CSMD1: variants seen among roughly 807,000 people sequenced by gnomAD.
CSMD1 encodes the protein CUB and sushi domain-containing protein 1.
Under a neutral mutation model 417.5 loss-of-function variants are expected in CSMD1, and 213 were observed. That is an observed-to-expected ratio of 0.51 (90% CI 0.46 to 0.57). CSMD1 has a LOEUF of 0.57. Ranked by LOEUF, CSMD1 falls within the 20% of genes least tolerant of loss-of-function variation. The pLI, the probability that CSMD1 is intolerant of heterozygous loss-of-function variation, is 0.00. For synonymous variants in CSMD1, 2,862 were observed against 1,736.8 expected (o/e 1.65, Z -16.11); for missense variants, 6,923 against 4,529.7 (o/e 1.53, Z -15.17).
At chr8:4,740,471 T>C (rs1810532117) in intron 1 of CSMD1, among the ~76,000 whole-genome samples, 1 of 152,158 alleles carries the variant, frequency 6.6e-6, no homozygotes, top group Admixed American at 6.5e-5. Context: ...CAGGCTGGGA[T>C]GTGTTTAGAG....
chr8:4,416,514 T>G (rs1796950689), intron 3 of CSMD1, among the ~76,000 whole-genome samples: 1 of 152,106 alleles, frequency 6.6e-6, no homozygotes, highest in Non-Finnish European at 1.5e-5. Flanking sequence ...TAATGAACAT[T>G]TTGAGTCTAA....
At chr8:4,168,848 C>T (rs1043860318) in intron 3 of CSMD1, among the ~76,000 whole-genome samples, 1 of 152,098 alleles carries the variant, frequency 6.6e-6, no homozygotes, top group Non-Finnish European at 1.5e-5. Flanking sequence ...CTTCAGCCTC[C>T]ACCACAGTTG....
At chr8:3,613,662 T>C (rs527418758) in intron 8 of CSMD1, among the ~76,000 whole-genome samples, 14 of 151,252 alleles carry the variant, frequency 9.3e-5, no homozygotes, top group South Asian at 2.1e-4. Context: ...TCAATAGATG[T>C]AGAAACTTTT....
At chr8:3,550,763 C>T (rs1004517433) in intron 10 of CSMD1, among the ~76,000 whole-genome samples, 3 of 152,206 alleles carry the variant, frequency 2.0e-5, no homozygotes, top group Non-Finnish European at 2.9e-5. Flanking sequence ...CAGGCTTGCA[C>T]CACATATTCC....
chr8:3,229,646 A>C (rs1798715323), intron 27 of CSMD1, among the ~76,000 whole-genome samples: 1 of 152,210 alleles, frequency 6.6e-6, no homozygotes, highest in Non-Finnish European at 1.5e-5. Flanking sequence ...AAACATCTAA[A>C]AAGAGAAAGT....
intron 3 of CSMD1, among the ~76,000 whole-genome samples, chr8:4,100,173 T>C (rs573089920): frequency 5.3e-5 from 8 of 152,308 alleles, no homozygotes; most frequent in East Asian, 1.9e-4. Flanking sequence ...ATGGGGCATA[T>C]ACTACCACTA....
At chr8:4,364,202 A>T (rs1037150253) in intron 3 of CSMD1, among the ~76,000 whole-genome samples, 1 of 152,218 alleles carries the variant, frequency 6.6e-6, no homozygotes, top group Admixed American at 6.5e-5. Context: ...TTTAAAAAAT[A>T]AGTTATTGTA....
intron 3 of CSMD1, among the ~76,000 whole-genome samples, chr8:4,135,269 C>T (rs1309337041): frequency 2.0e-5 from 3 of 148,466 alleles, no homozygotes; most frequent in Non-Finnish European, 3.0e-5. Context: ...CCTTCCTTAA[C>T]AACCATTAGA....
intron 25 of CSMD1, among the ~76,000 whole-genome samples, chr8:3,290,842 G>T (rs1375530086): frequency 6.6e-6 from 1 of 150,702 alleles, no homozygotes; most frequent in African/African-American, 2.5e-5. Flanking sequence ...AATTGCCCTG[G>T]CCGGAACTTC....
chr8:3,303,959 C>T (rs959854338), intron 25 of CSMD1, among the ~76,000 whole-genome samples: 6 of 115,718 alleles, frequency 5.2e-5, no homozygotes, highest in Non-Finnish European at 9.9e-5. Flanking sequence ...ATTATAATAA[C>T]TATTTTGGGG....
At chr8:4,270,201 T>C (rs1340043333) in intron 3 of CSMD1, among the ~76,000 whole-genome samples, 1 of 152,192 alleles carries the variant, frequency 6.6e-6, no homozygotes, top group Non-Finnish European at 1.5e-5. Context: ...CATAGCCGCG[T>C]GTTTCCTACG....
intron 42 of CSMD1, among the ~76,000 whole-genome samples, chr8:3,113,896 G>C (rs540065762): frequency 1.3e-5 from 2 of 152,186 alleles, no homozygotes; most frequent in South Asian, 2.1e-4. Context: ...GAGATGGATA[G>C]GCATATTAAG....
At chr8:3,811,161 G>C (rs566156588) in intron 5 of CSMD1, among the ~76,000 whole-genome samples, 2 of 152,202 alleles carry the variant, frequency 1.3e-5, no homozygotes, top group East Asian at 3.9e-4. Flanking sequence ...TATCCAACAG[G>C]ACTGTGAGAT....
intron 3 of CSMD1, among the ~76,000 whole-genome samples, chr8:4,348,876 G>C (rs938700581): frequency 6.6e-6 from 1 of 152,134 alleles, no homozygotes; most frequent in Non-Finnish European, 1.5e-5. Flanking sequence ...CTACATGTCT[G>C]TTGCTCTGAT....
chr8:4,438,617 T>A (rs1360685209), intron 2 of CSMD1, among the ~76,000 whole-genome samples: 1 of 152,176 alleles, frequency 6.6e-6, no homozygotes, highest in African/African-American at 2.4e-5. Context: ...GCTCCTATTA[T>A]TTTATACCTA....
chr8:3,904,958 T>C lies in CSMD1; in HGVS notation c.818+92945A>G, dbSNP rs977164926. Among the ~76,000 whole-genome samples, 9 of 152,268 alleles carry C rather than the reference T, an allele frequency of 5.9e-5. No individual in the cohort carries two copies. The East Asian group carries it at 1.7e-3, about 29-fold the overall frequency. On this transcript the variant is annotated intron_variant, in intron 5 of 69. Coordinates refer to ENST00000635120, the MANE Select transcript of CSMD1 (RefSeq NM_033225.6). ...AGCCCCAAAATACGTATTTTCCTTA[T>C]CTGACATTTAAGGTCAAAGAGGAAG...
intron 3 of CSMD1, among the ~76,000 whole-genome samples, chr8:4,414,869 T>C (rs1036889730): frequency 2.6e-5 from 4 of 152,268 alleles, no homozygotes; most frequent in African/African-American, 9.6e-5. Context: ...AGTAGGCATA[T>C]GAGGTGCCAT....
chr8:4,373,951 C>T (rs913201767), intron 3 of CSMD1, among the ~76,000 whole-genome samples: 1 of 152,150 alleles, frequency 6.6e-6, no homozygotes, highest in Non-Finnish European at 1.5e-5. Context: ...TTTAGTGTCT[C>T]TACTGAGTAG....
intron 26 of CSMD1, among the ~76,000 whole-genome samples, chr8:3,259,601 C>T (rs891493824): frequency 6.6e-6 from 1 of 152,166 alleles, no homozygotes; most frequent in African/African-American, 2.4e-5. Flanking sequence ...TGTGTCTTTT[C>T]TCATTTGACA....
Sources: gnomAD v4.1 joint callset for allele counts (sites outside exome capture counted in the v4.1 genomes callset) on GRCh38, gnomAD v4.1.1 for gene constraint, MANE v1.5 for transcripts, NCBI Gene and HGNC (gene_info 2026-07-23, HGNC 2026-07-21) for gene names.